TRIM59: variants seen among roughly 807,000 people sequenced by gnomAD.
TRIM59 encodes the protein tripartite motif containing 59.
Under a neutral mutation model 32.2 loss-of-function variants are expected in TRIM59, and 14 were observed. The observed-to-expected ratio is 0.43, with a 90% CI of 0.29 to 0.68. The LOEUF is 0.68. Ranked by LOEUF, TRIM59 falls within the 30% of genes least tolerant of loss-of-function variation. The pLI, the probability that TRIM59 is intolerant of heterozygous loss-of-function variation, is 0.15. For missense variants in TRIM59, 471 were observed against 463.3 expected (o/e 1.02, Z -0.15); for synonymous variants, 163 against 155.1 (o/e 1.05, Z -0.38).
intron 2 of TRIM59, among the ~76,000 whole-genome samples, chr3:160,445,035 G>GCTGACACC (rs1719450668): frequency 6.6e-6 from 1 of 151,362 alleles, no homozygotes; most frequent in Admixed American, 6.6e-5. Context: ...CATGGGCAGA[G>GCTGACACC]CTGACACCAT....
Position 160,437,133 on chromosome 3 carries a change from CTT to C in TRIM59, c.*837_*838del, listed in dbSNP as rs1404670729. ...TTGGGAGGCCAAGGTGGGCAGATCT[CTT>C]GAGCCCAGAAGTTTGAGACCAACCT... On this transcript the variant is annotated 3_prime_UTR_variant, in exon 3 of 3. Coordinates refer to ENST00000309784, the MANE Select transcript of TRIM59 (RefSeq NM_173084.3). The C allele has an allele frequency of 1.3e-5, 12 of 911,878 alleles. No homozygotes were observed. The highest frequency in any genetic ancestry group is 5.5e-4 in the Middle Eastern group (1 of 1,806). 56.5% of individuals were successfully genotyped at this position (911,878 alleles called of 1,614,324 possible).
At chr3:160,443,852 G>A (rs1719383622) in intron 2 of TRIM59, among the ~76,000 whole-genome samples, 1 of 152,102 alleles carries the variant, frequency 6.6e-6, no homozygotes. Flanking sequence ...ATGATAGCCA[G>A]GTTGGTCTCA....
At position 160,437,954 on chromosome 3, in the gene TRIM59, C is replaced by A; in HGVS notation, c.*18G>T. The A allele has an allele frequency of 6.5e-7, 1 of 1,526,898 alleles. No homozygotes were observed. Among genetic ancestry groups the A allele is most frequent in the Non-Finnish European group, 8.7e-7 (1 of 1,143,490 alleles). 94.6% of individuals were successfully genotyped at this position (1,526,898 alleles called of 1,614,324 possible). A position where few individuals can be genotyped will look rare whatever the true frequency, so the allele number is the denominator to read the frequency against. On this transcript the variant is annotated 3_prime_UTR_variant, in exon 3 of 3. Transcript: ENST00000309784. ...AATGTACAGAATAAGCCCATTTAAA[C>A]AATTCAGGTTGACATTTTCAATGGG... is the stretch of plus-strand genomic sequence containing the variant.
chr3:160,449,358 C>G, intron 1 of TRIM59: 1 of 503,208 alleles, frequency 2.0e-6, no homozygotes, highest in Non-Finnish European at 3.0e-6. Context: ...TCTTCCCTTC[C>G]CCTTCTCAAA....
chr3:160,446,518 G>A (rs1327215983), intron 2 of TRIM59, among the ~76,000 whole-genome samples: 5 of 151,546 alleles, frequency 3.3e-5, no homozygotes, highest in Non-Finnish European at 4.4e-5. Context: ...TTAGTTCAAT[G>A]GAAAAAAAAT....
At chr3:160,446,127 A>T (rs899036871) in intron 2 of TRIM59, among the ~76,000 whole-genome samples, 1 of 152,136 alleles carries the variant, frequency 6.6e-6, no homozygotes, top group Non-Finnish European at 1.5e-5. Context: ...TGGTTCTTTA[A>T]GTAAATAAAC....
Position 160,435,535 on chromosome 3 carries a change from A to G in TRIM59, c.*2437T>C, listed in dbSNP as rs774295442. On this transcript the variant is annotated 3_prime_UTR_variant, in exon 3 of 3. Coordinates refer to ENST00000309784, the MANE Select transcript of TRIM59 (RefSeq NM_173084.3). ...TCAAAAGAAGTTTATTAAAATACATATTTTGTTATACATAAAACTTAGAAA... is the reference window on the plus strand; with the variant it reads ...TCAAAAGAAGTTTATTAAAATACATGTTTTGTTATACATAAAACTTAGAAA... The G allele has an allele frequency of 7.2e-5, 12 of 166,354 alleles. No homozygotes were observed. Among genetic ancestry groups the G allele is most frequent in the Non-Finnish European group, 1.4e-4 (11 of 76,874 alleles). The allele number at this position is 166,354 out of a possible 1,614,324, so 10.3% of individuals were successfully genotyped here. A position where few individuals can be genotyped will look rare whatever the true frequency, so the allele number is the denominator to read the frequency against.
chr3:160,441,128 A>G (rs1461476123), intron 2 of TRIM59, among the ~76,000 whole-genome samples: 2 of 152,198 alleles, frequency 1.3e-5, no homozygotes, highest in Non-Finnish European at 2.9e-5. Context: ...TTTTCCCCAG[A>G]TTAGGTCCCC....
chr3:160,437,975 A>G lies in TRIM59; in HGVS notation c.1209T>C (p.His403=), dbSNP rs1425176352. ...LKEFVWKIVS[H] is the part of the protein sequence containing the mutation. Reference sequence around the variant, plus strand: ...TAAACAATTCAGGTTGACATTTTCAATGGGAAACTATTTTCCACACAAATT... The same window carrying G: ...TAAACAATTCAGGTTGACATTTTCAGTGGGAAACTATTTTCCACACAAATT... The change falls in exon 3 of 3, where the codon CAT becomes CAC. Residue 403 remains histidine, a synonymous_variant. Coordinates refer to ENST00000309784, the MANE Select transcript of TRIM59 (RefSeq NM_173084.3). The G allele has an allele frequency of 6.5e-6, 10 of 1,537,770 alleles. No individual in the cohort carries two copies. The highest frequency in any genetic ancestry group is 6.1e-6 in the Non-Finnish European group (7 of 1,148,536).
intron 2 of TRIM59, among the ~76,000 whole-genome samples, chr3:160,446,918 C>T (rs1393318924): frequency 6.6e-6 from 1 of 152,068 alleles, no homozygotes; most frequent in Admixed American, 6.6e-5. Flanking sequence ...CACCCACCCC[C>T]ACCCGTCCAC....
Position 160,436,591 on chromosome 3 carries a change from G to A in TRIM59, c.*1381C>T. The stretch of plus-strand genomic sequence containing the variant: ...AGGCGAGTGGATCATGAGGTCAGGA[G>A]ATAGAGACCATCCTGGCTAACACAG... On this transcript the variant is annotated 3_prime_UTR_variant, in exon 3 of 3. Coordinates refer to ENST00000309784, the MANE Select transcript of TRIM59 (RefSeq NM_173084.3). The A allele has an allele frequency of 4.6e-6, 4 of 861,114 alleles. No individual in the cohort carries two copies. The highest frequency in any genetic ancestry group is 5.6e-6 in the Non-Finnish European group (4 of 716,196). 53.3% of individuals were successfully genotyped at this position (861,114 alleles called of 1,614,324 possible).
At chr3:160,441,209 A>G (rs906062705) in intron 2 of TRIM59, among the ~76,000 whole-genome samples, 3 of 152,198 alleles carry the variant, frequency 2.0e-5, no homozygotes, top group Admixed American at 2.0e-4. Flanking sequence ...GAATTTTGTA[A>G]CTTTTCTGTA....
chr3:160,443,554 G>A (rs762888026), intron 2 of TRIM59, among the ~76,000 whole-genome samples: 4 of 152,156 alleles, frequency 2.6e-5, no homozygotes, highest in Admixed American at 6.5e-5. Context: ...AAGAATGTTC[G>A]CCAGCATAAT....
Position 160,437,259 on chromosome 3 carries a change from C to CG in TRIM59, c.*712dup, listed in dbSNP as rs977975490. Reference sequence around the variant, plus strand: ...GTCCCAGCTGCTCCAGAGGCAGAGGCGGGAGGATCGATTGAGCCTGGGTGG... The same window carrying CG: ...GTCCCAGCTGCTCCAGAGGCAGAGGCGGGGAGGATCGATTGAGCCTGGGTGG... On this transcript the variant is annotated 3_prime_UTR_variant, in exon 3 of 3. Transcript: ENST00000309784. 3.3e-6 allele frequency: 2 copies of CG among 612,992 alleles called. No homozygotes were observed. The highest frequency in any genetic ancestry group is 4.0e-5 in the African/African-American group (2 of 49,572). The allele number at this position is 612,992 out of a possible 1,614,324, so 38.0% of individuals were successfully genotyped here.
In TRIM59 at chr3:160,437,861, T is replaced by C; in HGVS notation, c.*111A>G. On this transcript the variant is annotated 3_prime_UTR_variant, in exon 3 of 3. Coordinates refer to ENST00000309784, the MANE Select transcript of TRIM59 (RefSeq NM_173084.3). ...GAAGCAACAAATATAAACATTTGTT[T>C]ATATTAGTTGCAGCACTAATAAAGC... 1.5e-6 allele frequency: 2 copies of C among 1,338,996 alleles called. No homozygotes were observed. The highest frequency in any genetic ancestry group is 1.9e-6 in the Non-Finnish European group (2 of 1,043,610). The allele number at this position is 1,338,996 out of a possible 1,614,324, so 82.9% of individuals were successfully genotyped here.
chr3:160,438,579 C>CTT lies in TRIM59; in HGVS notation c.603_604dup (p.Ser202LysfsTer4). The stretch of plus-strand genomic sequence containing the variant: ...AACATCACAGAGAGCCGTTAGGAAA[C>CTT]TTTTTTTTTTCTGTTCTAATGTATC... On this transcript the variant is annotated frameshift_variant, in exon 3 of 3. Coordinates refer to ENST00000309784, the MANE Select transcript of TRIM59 (RefSeq NM_173084.3). LOFTEE classifies it high-confidence loss of function. 5 of 1,546,140 alleles carry CTT rather than the reference C, an allele frequency of 3.2e-6. No homozygotes were observed. In the South Asian group the frequency reaches 3.5e-5, roughly 11 times the overall value.
At chr3:160,448,533 G>A (rs769672489) in intron 2 of TRIM59, among the ~76,000 whole-genome samples, 193 bp downstream of exon 2, 12 of 152,186 alleles carry the variant, frequency 7.9e-5, no homozygotes, top group Non-Finnish European at 1.6e-4. Flanking sequence ...TACTTTTAAG[G>A]TACAGATCAG....
In TRIM59 at chr3:160,438,000, T is replaced by G; in HGVS notation, c.1184A>C (p.Glu395Ala). The G allele has an allele frequency of 6.4e-7, 1 of 1,556,572 alleles. No homozygotes were observed. The highest frequency in any genetic ancestry group is 8.6e-7 in the Non-Finnish European group (1 of 1,157,052). Reference sequence around the variant, plus strand: ...ATGGGAAACTATTTTCCACACAAATTCCTTCAACAAATAGAAAATGTGACA... The same window carrying G: ...ATGGGAAACTATTTTCCACACAAATGCCTTCAACAAATAGAAAATGTGACA... ...ILCHIFYLLK[E>A]FVWKIVSH Residue 395 changes from glutamate (E) to alanine (A), a missense_variant, in exon 3 of 3, where the codon GAA becomes GCA. Coordinates refer to ENST00000309784, the MANE Select transcript of TRIM59 (RefSeq NM_173084.3).
At chr3:160,442,383 A>C (rs1412727232) in intron 2 of TRIM59, among the ~76,000 whole-genome samples, 1 of 152,142 alleles carries the variant, frequency 6.6e-6, no homozygotes, top group Non-Finnish European at 1.5e-5. Context: ...GGAGTTTGAG[A>C]CCAGCCTGGC....
Sources: allele counts gnomAD v4.1 joint callset (sites outside exome capture counted in the v4.1 genomes callset), GRCh38; gene constraint gnomAD v4.1.1; transcripts MANE v1.5; gene names NCBI Gene and HGNC (gene_info 2026-07-23, HGNC 2026-07-21).